The following S100Z variants were observed in gnomAD, a reference collection of about 807,000 sequenced individuals.
S100Z encodes the protein protein S100-Z.
Under a neutral mutation model 8.5 loss-of-function variants are expected in S100Z, and 11 were observed. The ratio of observed to expected loss-of-function variants is 1.30; its 90% CI spans 0.82 to 2.15. The LOEUF (loss-of-function observed/expected upper bound fraction) is 2.15, where lower values mean the gene tolerates loss of function less well. Among genes scored for constraint, S100Z ranks in the 30% most tolerant of loss-of-function variants. The pLI is 0.00. For missense variants in S100Z, 126 were observed against 117.9 expected, an observed-to-expected ratio of 1.07 and a Z score of -0.32; for synonymous variants, 34 against 43.8, an observed-to-expected ratio of 0.78 and a Z score of 0.89.
At chr5:76,896,154 A>G (rs1294945128) in intron 4 of S100Z, among the ~76,000 whole-genome samples, 2 of 151,886 alleles carry the variant, frequency 1.3e-5, no homozygotes, top group Admixed American at 6.6e-5. Context: ...TTTTGTACCC[A>G]TTAATCATCC....
downstream of S100Z, among the ~76,000 whole-genome samples, chr5:76,923,560 G>A (rs1745083904): frequency 1.3e-5 from 2 of 152,200 alleles, no homozygotes; most frequent in South Asian, 4.1e-4. Context: ...GCAATACCAA[G>A]ACAAATGCAA....
chr5:76,891,136 T>TACAGGCGTGAGC (rs1278479321), intron 4 of S100Z, among the ~76,000 whole-genome samples: 1 of 152,248 alleles, frequency 6.6e-6, no homozygotes, highest in Non-Finnish European at 1.5e-5. Flanking sequence ...GTGCTGGGAT[T>TACAGGCGTGAGC]ACAGGCGTGA....
chr5:76,873,916 C>T (rs1365291308), intron 2 of S100Z, among the ~76,000 whole-genome samples: 1 of 152,160 alleles, frequency 6.6e-6, no homozygotes, highest in South Asian at 2.1e-4. Flanking sequence ...CACACAGCTG[C>T]TCTGAGGTTT....
intron 3 of S100Z, among the ~76,000 whole-genome samples, chr5:76,876,187 G>A (rs1489435885): frequency 6.6e-6 from 1 of 152,174 alleles, no homozygotes; most frequent in Non-Finnish European, 1.5e-5. Flanking sequence ...CTCGTGTGAT[G>A]TTATTCTCTC....
chr5:76,933,755 T>G, the S100Z span, among the ~76,000 whole-genome samples: 6 of 152,182 alleles, frequency 3.9e-5, no homozygotes, highest in African/African-American at 1.2e-4. Flanking sequence ...TAACAAAATT[T>G]TACCAAAATT....
chr5:76,917,372 C>A (rs1169544420), intron 4 of S100Z, among the ~76,000 whole-genome samples: 1 of 152,118 alleles, frequency 6.6e-6, no homozygotes. Context: ...CACAATAATT[C>A]TGAATGACAG....
intron 4 of S100Z, among the ~76,000 whole-genome samples, chr5:76,891,264 C>T (rs181289311): frequency 2.3e-3 from 357 of 152,316 alleles, no homozygotes; most frequent in African/African-American, 8.3e-3. Context: ...CCTTACTTTA[C>T]GTTACACTTA....
At chr5:76,889,725 A>G (rs1743792856) in intron 4 of S100Z, among the ~76,000 whole-genome samples, 1 of 152,250 alleles carries the variant, frequency 6.6e-6, no homozygotes, top group African/African-American at 2.4e-5. Flanking sequence ...AGTAAAGGAG[A>G]GGCTTTCTTT....
At chr5:76,886,121 C>G (rs1405580004) in intron 4 of S100Z, among the ~76,000 whole-genome samples, 3 of 152,076 alleles carry the variant, frequency 2.0e-5, no homozygotes, top group Non-Finnish European at 4.4e-5. Flanking sequence ...GCTTGCCCCC[C>G]AGAAAAGTGG....
chr5:76,888,571 T>C (rs1321619279), intron 4 of S100Z, among the ~76,000 whole-genome samples: 1 of 151,734 alleles, frequency 6.6e-6, no homozygotes, highest in African/African-American at 2.4e-5. Context: ...AGAGACGAGG[T>C]TTCACCGTGT....
intron 2 of S100Z, among the ~76,000 whole-genome samples, chr5:76,873,236 G>T (rs1743068878): frequency 6.6e-6 from 1 of 151,670 alleles, no homozygotes; most frequent in African/African-American, 2.4e-5. Context: ...TGGTGAGAGA[G>T]AATTTTACTA....
the S100Z span, among the ~76,000 whole-genome samples, chr5:76,945,042 T>C: frequency 0.63 from 96,308 of 152,002 alleles, 30,884 homozygotes; most frequent in South Asian, 0.76. Context: ...TGACCTGTAC[T>C]CTGAACAATT....
intron 4 of S100Z, among the ~76,000 whole-genome samples, chr5:76,890,142 G>A (rs898176917): frequency 1.3e-5 from 2 of 152,170 alleles, no homozygotes; most frequent in Non-Finnish European, 2.9e-5. Flanking sequence ...TCCTGTCTCA[G>A]CCTCCTGAGT....
At chr5:76,859,457 C>T (rs1000666286) in intron 1 of S100Z, among the ~76,000 whole-genome samples, 3 of 152,058 alleles carry the variant, frequency 2.0e-5, no homozygotes, top group Admixed American at 2.0e-4. Context: ...AGGATCTTTA[C>T]CCTCAGGACC....
intron 4 of S100Z, among the ~76,000 whole-genome samples, chr5:76,910,299 A>G (rs1257419152): frequency 1.3e-5 from 2 of 152,210 alleles, no homozygotes; most frequent in African/African-American, 4.8e-5. Context: ...ATCAGGAGAA[A>G]GCTCCAAAAG....
At chr5:76,865,742 G>C (rs903176825) in intron 1 of S100Z, among the ~76,000 whole-genome samples, 1 of 151,888 alleles carries the variant, frequency 6.6e-6, no homozygotes, top group African/African-American at 2.4e-5. Flanking sequence ...GCTGGGCGCA[G>C]TGGCTCATGC....
chr5:76,883,132 A>G (rs1024592717), intron 4 of S100Z, among the ~76,000 whole-genome samples: 2 of 152,066 alleles, frequency 1.3e-5, no homozygotes, highest in African/African-American at 4.8e-5. Flanking sequence ...GGGATGGGAT[A>G]TTGGCATTGA....
At chr5:76,876,120 C>T (rs1439287047) in intron 3 of S100Z, among the ~76,000 whole-genome samples, 3 of 152,174 alleles carry the variant, frequency 2.0e-5, no homozygotes, top group Admixed American at 2.0e-4. Flanking sequence ...AAGGAAAACA[C>T]TTCACGCTGG....
chr5:76,916,878 T>C (rs984258568), intron 4 of S100Z, among the ~76,000 whole-genome samples: 2 of 152,114 alleles, frequency 1.3e-5, no homozygotes, highest in African/African-American at 2.4e-5. Flanking sequence ...TTAATCCCAA[T>C]ACTTTGTGAG....
Sources: allele counts gnomAD v4.1 joint callset (sites outside exome capture counted in the v4.1 genomes callset), GRCh38; gene constraint gnomAD v4.1.1; transcripts MANE v1.5; gene names NCBI Gene and HGNC (gene_info 2026-07-23, HGNC 2026-07-21).